SYNE1: variants seen among roughly 807,000 people sequenced by gnomAD.
The protein encoded by SYNE1 is spectrin repeat containing nuclear envelope protein 1.
In SYNE1, 616 loss-of-function variants were observed where a neutral mutation model predicts 1,111.0. The observed-to-expected ratio is 0.55, with a 90% CI of 0.52 to 0.59. SYNE1 has a LOEUF of 0.59. SYNE1 is among the 20% of genes least tolerant of loss of function. The probability of loss-of-function intolerance (pLI) is 0.00; values close to 1 mark genes in which losing one functional copy is unlikely to be tolerated. For missense variants in SYNE1, 10,006 were observed against 10,417.0 expected, an observed-to-expected ratio of 0.96 and a Z score of 1.72; for synonymous variants, 3,855 against 3,825.8, an observed-to-expected ratio of 1.01 and a Z score of -0.28.
At chr6:152,488,027 A>G (rs1238180128) in intron 12 of SYNE1, among the ~76,000 whole-genome samples, 3 of 150,838 alleles carry the variant, frequency 2.0e-5, no homozygotes, top group Non-Finnish European at 4.4e-5. Flanking sequence ...GTGATCCAAG[A>G]TCACGCCATT....
At chr6:152,633,096 C>G (rs2099700624) in intron 2 of SYNE1, among the ~76,000 whole-genome samples, 1 of 152,154 alleles carries the variant, frequency 6.6e-6, no homozygotes, top group Non-Finnish European at 1.5e-5. Flanking sequence ...TCCAGAACAT[C>G]AATAAACTCA....
chr6:152,179,163 T>C (rs1001823753), intron 129 of SYNE1, among the ~76,000 whole-genome samples: 1 of 152,076 alleles, frequency 6.6e-6, no homozygotes, highest in Non-Finnish European at 1.5e-5. Context: ...GATCTGCCTG[T>C]CTCACTTCCC....
rs1372514040 is a variant in SYNE1 at position 152,613,639 on chromosome 6, A to G, written c.67+14626T>C. Among the ~76,000 whole-genome samples, 4 of 152,232 alleles carry G rather than the reference A, an allele frequency of 2.6e-5. No individual in the cohort carries two copies. The South Asian group carries it at 6.2e-4, about 24-fold the overall frequency. ...CCACAGAATTGAAAAAAACTACTTT[A>G]AAGTTTATATGGAACCAAAATAGAG... On this transcript the variant is annotated intron_variant, in intron 3 of 145. Transcript: ENST00000367255.
chr6:152,386,377 C>G (rs1352606774), intron 54 of SYNE1, among the ~76,000 whole-genome samples: 1 of 152,032 alleles, frequency 6.6e-6, no homozygotes, highest in African/African-American at 2.4e-5. Flanking sequence ...TGACTTGAGT[C>G]ATAGCTCTTA....
At chr6:152,387,506 T>C (rs1026948514) in intron 53 of SYNE1, 125 bp from the exon 54 acceptor site, 1 of 951,558 alleles carries the variant, frequency 1.1e-6, no homozygotes, top group Non-Finnish European at 1.6e-6. Flanking sequence ...ATGAAAATGT[T>C]GCTTTTGAGT....
In SYNE1 at chr6:152,376,791, A is replaced by G. The variant is rs755651618; in HGVS notation, c.9131T>C (p.Ile3044Thr). ...STYSGKVSGL[I>T]KEYNCLCLQA... ...TCATGCTCACCAATTATACTCTTTA[A>G]TCAAGCCAGAAACTTTTCCACTGTA... is the stretch of plus-strand genomic sequence containing the variant. Residue 3044 changes from isoleucine (I) to threonine (T), a missense_variant, in exon 57 of 146, where the codon ATT (isoleucine) becomes ACT (threonine). Physicochemically the swap from Ile to Thr is moderately conservative, Grantham distance 89 (BLOSUM62 -1). Coordinates refer to ENST00000367255, the MANE Select transcript of SYNE1 (RefSeq NM_182961.4). 6.2e-7 allele frequency: 1 copy of G among 1,614,000 alleles called. No individual in the cohort carries two copies. Among genetic ancestry groups the G allele is most frequent in the Non-Finnish European group, 8.5e-7 (1 of 1,180,012 alleles).
At chr6:152,257,800 G>A (rs1042783436) in intron 101 of SYNE1, among the ~76,000 whole-genome samples, 1 of 152,066 alleles carries the variant, frequency 6.6e-6, no homozygotes, top group Non-Finnish European at 1.5e-5. Flanking sequence ...AAGGATAATT[G>A]ATGTCCCTGA....
chr6:152,538,593 G>A (rs1256883066), intron 4 of SYNE1, among the ~76,000 whole-genome samples: 1 of 148,542 alleles, frequency 6.7e-6, no homozygotes, highest in Non-Finnish European at 1.5e-5. Context: ...CGTAACCTCT[G>A]TACACTATGA....
In SYNE1 at chr6:152,416,463, T is replaced by C; in HGVS notation, c.5974A>G (p.Lys1992Glu). 1 of 1,614,208 alleles carries C rather than the reference T, an allele frequency of 6.2e-7. No individual in the cohort carries two copies. Among genetic ancestry groups the C allele is most frequent in the Non-Finnish European group, 8.5e-7 (1 of 1,180,038 alleles). The change falls in exon 41 of 146, where the codon AAA becomes GAA. Residue 1992 changes from lysine to glutamate, a missense_variant. By Grantham distance (56) the Lys-to-Glu change is moderately conservative. Coordinates refer to ENST00000367255, the MANE Select transcript of SYNE1 (RefSeq NM_182961.4). ...CTTTCTTCAATGTCCTCAATGCTTTTCAGAAGCTCCTCTTTCTGGTCTTGG... is the reference window on the plus strand; with the variant it reads ...CTTTCTTCAATGTCCTCAATGCTTTCCAGAAGCTCCTCTTTCTGGTCTTGG... ...AFQDQKEELLKSIEDIEERTD... is the reference protein window; with the variant it reads ...AFQDQKEELLESIEDIEERTD...
chr6:152,230,391 A>T (rs1182622868), intron 115 of SYNE1, among the ~76,000 whole-genome samples, 156 bp downstream of exon 115: 1 of 152,194 alleles, frequency 6.6e-6, no homozygotes, highest in African/African-American at 2.4e-5. Flanking sequence ...TTTAAAAAAA[A>T]CCCTATAAAC....
rs1562757461 is a variant in SYNE1 at position 152,281,817 on chromosome 6, A to T, written c.18371T>A (p.Met6124Lys). 1.2e-6 allele frequency: 2 copies of T among 1,614,184 alleles called. No homozygotes were observed. Among genetic ancestry groups the T allele is most frequent in the Admixed American group, 3.3e-5 (2 of 60,024 alleles). ...KEPMDMEAQL[M>K]DCQNMLVEIE... ...AGACCATTTTGGTACCTGGCAGTCC[A>T]TAAGCTGGGCCTCCATGTCCATGGG... The change falls in exon 97 of 146, where the codon ATG becomes AAG. Residue 6124 changes from methionine to lysine, a missense_variant. By Grantham distance (95) the Met-to-Lys change is moderately conservative. Transcript: ENST00000367255.
At chr6:152,298,950 T>G (rs2095033562) in intron 93 of SYNE1, among the ~76,000 whole-genome samples, 1 of 152,208 alleles carries the variant, frequency 6.6e-6, no homozygotes. Context: ...GTATTTTAGA[T>G]TAACAATGCA....
chr6:152,463,916 G>A (rs578042277), intron 18 of SYNE1, among the ~76,000 whole-genome samples: 1 of 152,176 alleles, frequency 6.6e-6, no homozygotes, highest in East Asian at 1.9e-4. Context: ...TTTTTTATTT[G>A]TATAAATTGA....
chr6:152,459,989 T>C (rs930367636), intron 21 of SYNE1, among the ~76,000 whole-genome samples: 1 of 152,196 alleles, frequency 6.6e-6, no homozygotes, highest in Non-Finnish European at 1.5e-5. Context: ...GACTCTGATA[T>C]AATTACCTTG....
In SYNE1 at chr6:152,132,141, G is replaced by A. The variant is rs1380516025; in HGVS notation, c.26075C>T (p.Thr8692Ile). ...GSVSPTSGRS[T>I]PNRQKTPRGK... is the part of the protein sequence containing the mutation. ...AGTTACCGTTTTCTGTCTGTTTGGG[G>A]TGCTCCTTCCTGATGTGGGACTCAC... The change falls in exon 144 of 146, where the codon ACC becomes ATC. Residue 8692 changes from threonine (T) to isoleucine (I), a missense_variant. Transcript: ENST00000367255. The A allele has an allele frequency of 1.9e-6, 3 of 1,614,008 alleles. No homozygotes were observed. Among genetic ancestry groups the A allele is most frequent in the Admixed American group, 1.7e-5 (1 of 60,004 alleles).
intron 105 of SYNE1, among the ~76,000 whole-genome samples, chr6:152,247,815 A>G (rs2087794197): frequency 6.8e-6 from 1 of 146,326 alleles, no homozygotes; most frequent in Admixed American, 6.9e-5. Flanking sequence ...AGAAAAATGC[A>G]CACTCACAGT....
rs2060435597 is a variant in SYNE1, at chr6:152,151,616, C to G, written c.24387G>C (p.Leu8129=). The part of the protein sequence containing the change: ...SILVWLTEMD[L]QLTNIEHFSE... ...AAAAATGTTCAATATTAGTGAGCTG[C>G]AGATCCATCTCTGTGAGCCAGACCA... Residue 8129 remains leucine, a synonymous_variant, in exon 135 of 146, where the codon CTG becomes CTC. Coordinates refer to ENST00000367255, the MANE Select transcript of SYNE1 (RefSeq NM_182961.4). 1 of 1,614,052 alleles carries G rather than the reference C, an allele frequency of 6.2e-7. No homozygotes were observed. Among genetic ancestry groups the G allele is most frequent in the Admixed American group, 1.7e-5 (1 of 60,008 alleles).
At chr6:152,314,359 C>T (rs1370474530) in intron 87 of SYNE1, among the ~76,000 whole-genome samples, 2 of 152,192 alleles carry the variant, frequency 1.3e-5, no homozygotes, top group East Asian at 1.9e-4. Flanking sequence ...TTTCAGCATA[C>T]ATTTTTATCT....
intron 41 of SYNE1, 47 bp downstream of exon 41, chr6:152,416,340 A>C: frequency 6.2e-7 from 1 of 1,609,410 alleles, no homozygotes; most frequent in Non-Finnish European, 8.5e-7. Context: ...ATTCCAGAAC[A>C]AATACAAAAG....
Sources: gnomAD v4.1 joint callset for allele counts (sites outside exome capture counted in the v4.1 genomes callset) on GRCh38, gnomAD v4.1.1 for gene constraint, MANE v1.5 for transcripts, NCBI Gene and HGNC (gene_info 2026-07-23, HGNC 2026-07-21) for gene names.